ARID1B: variants seen among roughly 807,000 people sequenced by gnomAD.
The protein encoded by ARID1B is AT-rich interaction domain 1B, also known as AT-rich interactive domain-containing protein 1B.
ARID1B carries 30 observed loss-of-function variants against 212.3 expected under a neutral mutation model. The observed-to-expected ratio is 0.14, with a 90% CI of 0.11 to 0.19. The LOEUF (loss-of-function observed/expected upper bound fraction) is 0.19. Ranked by LOEUF, ARID1B falls within the 10% of genes least tolerant of loss-of-function variation. ARID1B has a pLI of 1.00. For synonymous variants in ARID1B, 1,402 were observed against 1,301.7 expected (o/e 1.08, Z -1.66); for missense variants, 2,891 against 3,204.0 (o/e 0.90, Z 2.36).
intron 3 of ARID1B, among the ~76,000 whole-genome samples, chr6:156,922,357 G>C (rs1297022710): frequency 6.6e-6 from 1 of 152,016 alleles, no homozygotes; most frequent in African/African-American, 2.4e-5. Context: ...ATTTTTAGTA[G>C]AGATGGGGTT....
chr6:157,105,611 A>AT (rs547859640), intron 5 of ARID1B, among the ~76,000 whole-genome samples: 217 of 151,930 alleles, frequency 1.4e-3, no homozygotes, highest in Admixed American at 5.2e-3. Flanking sequence ...TTTATTTTTA[A>AT]TTTTTTTTGA....
intron 2 of ARID1B, among the ~76,000 whole-genome samples, chr6:156,840,561 G>A (rs1229571525): frequency 1.3e-5 from 2 of 152,212 alleles, no homozygotes; most frequent in Admixed American, 1.3e-4. Flanking sequence ...ATGTCTGTGT[G>A]CTTTAGCCGT....
intron 4 of ARID1B, among the ~76,000 whole-genome samples, chr6:157,026,109 G>A (rs1780644330): frequency 6.6e-6 from 1 of 152,072 alleles, no homozygotes; most frequent in Non-Finnish European, 1.5e-5. Context: ...ATTTGTAGTA[G>A]AGACAGAGTT....
chr6:156,887,252 G>A (rs1219367001), intron 2 of ARID1B, among the ~76,000 whole-genome samples: 2 of 152,150 alleles, frequency 1.3e-5, no homozygotes, highest in East Asian at 3.9e-4. Flanking sequence ...TGCCAGTAAC[G>A]TACCAATGCT....
At chr6:156,963,415 T>C (rs1794533023) in intron 4 of ARID1B, among the ~76,000 whole-genome samples, 2 of 152,258 alleles carry the variant, frequency 1.3e-5, no homozygotes, top group Admixed American at 6.5e-5. Context: ...GTATTCTATG[T>C]ACTGTTTTTA....
At chr6:157,174,206 T>C (rs1791930507) in intron 10 of ARID1B, 89 bp downstream of exon 10, 1 of 1,145,878 alleles carries the variant, frequency 8.7e-7, no homozygotes, top group Non-Finnish European at 1.3e-6. Flanking sequence ...GGCCGACACT[T>C]TTTTTTCATT....
intron 3 of ARID1B, 58 bp from the exon 4 acceptor site, chr6:156,935,408 G>T: frequency 7.1e-7 from 1 of 1,408,560 alleles, no homozygotes; most frequent in Non-Finnish European, 9.9e-7. Context: ...AGTTACTGAA[G>T]AAGCTTATAA....
intron 3 of ARID1B, among the ~76,000 whole-genome samples, chr6:156,935,016 G>A (rs1182222679): frequency 1.4e-5 from 2 of 143,992 alleles, no homozygotes; most frequent in Non-Finnish European, 3.0e-5. Context: ...TTCTGATAAT[G>A]TATTAAATTA....
chr6:157,202,767 A>G (rs1250850408), intron 18 of ARID1B, among the ~76,000 whole-genome samples: 1 of 150,386 alleles, frequency 6.6e-6, no homozygotes, highest in East Asian at 1.9e-4. Flanking sequence ...ATATATAGAT[A>G]TATATAGAAT....
intron 3 of ARID1B, among the ~76,000 whole-genome samples, chr6:156,902,661 C>T (rs901534409): frequency 2.1e-5 from 3 of 143,540 alleles, no homozygotes; most frequent in East Asian, 2.1e-4. Flanking sequence ...AGCTTGAACC[C>T]GGGAGGCGGA....
intron 10 of ARID1B, 64 bp downstream of exon 10, chr6:157,174,181 C>G: frequency 7.0e-7 from 1 of 1,435,048 alleles, no homozygotes; most frequent in Non-Finnish European, 9.8e-7. Flanking sequence ...ATGTCGTTCT[C>G]TCTTCACTGG....
At chr6:157,163,726 G>A (rs1791113430) in intron 8 of ARID1B, among the ~76,000 whole-genome samples, 1 of 152,196 alleles carries the variant, frequency 6.6e-6, no homozygotes, top group South Asian at 2.1e-4. Flanking sequence ...CTGTATTCCA[G>A]GACTCCCGGA....
chr6:156,986,569 G>A (rs1000467603), intron 4 of ARID1B, among the ~76,000 whole-genome samples: 4 of 152,134 alleles, frequency 2.6e-5, no homozygotes, highest in African/African-American at 4.8e-5. Context: ...CCTACAAAAT[G>A]GGACAACAGA....
intron 3 of ARID1B, 38 bp downstream of exon 3, chr6:156,901,563 T>C (rs754832589): frequency 5.2e-5 from 83 of 1,593,806 alleles, no homozygotes; most frequent in Non-Finnish European, 7.0e-5. Context: ...CCCTGTTTTC[T>C]CCACCAAGGC....
chr6:157,133,130 A>T lies in ARID1B; in HGVS notation c.2684A>T (p.His895Leu). 1 of 1,614,176 alleles carries T rather than the reference A, an allele frequency of 6.2e-7. No homozygotes were observed. Among genetic ancestry groups the T allele is most frequent in the Non-Finnish European group, 8.5e-7 (1 of 1,180,030 alleles). ...CATCCTTCTCCTGGGGGCCAGATGC[A>T]TGCTGGAATCAGTAGCTTTCAGCAG... Reference protein sequence around the residue: ...SPHPSPGGQMHAGISSFQQSN... With the variant: ...SPHPSPGGQMLAGISSFQQSN... The change falls in exon 7 of 20, where the codon CAT becomes CTT. Residue 895 changes from histidine (H) to leucine (L), a missense_variant. This residue lies in a region of ARID1B where 1,643 missense variants were observed against 1,544.0 expected (regional missense o/e 1.06). Coordinates refer to ENST00000636930, the MANE Select transcript of ARID1B (RefSeq NM_001374828.1).
At chr6:156,811,663 CTCT>C (rs762414356) in intron 1 of ARID1B, among the ~76,000 whole-genome samples, 2 of 152,188 alleles carry the variant, frequency 1.3e-5, no homozygotes, top group African/African-American at 2.4e-5. Context: ...AGCCTGGTCT[CTCT>C]TCTTATAAGG....
In ARID1B at chr6:157,203,015, A is replaced by T. The variant is rs1334253179; in HGVS notation, c.5264-851A>T. Among the ~76,000 whole-genome samples the T allele has an allele frequency of 6.6e-6, 1 of 152,114 alleles. No individual in the cohort carries two copies. The highest frequency in any genetic ancestry group is 1.5e-5 in the Non-Finnish European group (1 of 68,016). Reference sequence around the variant, plus strand: ...ATGTTTATTTTTAAAAGTAATTTTGATTTTTTTATTGTAAAAACAGTATGT... The same window carrying T: ...ATGTTTATTTTTAAAAGTAATTTTGTTTTTTTTATTGTAAAAACAGTATGT... On this transcript the variant is annotated intron_variant, in intron 18 of 19. Transcript: ENST00000636930. The surrounding 1 kb of genome is among the most constrained non-coding windows in gnomAD (Gnocchi z 4.4).
At chr6:157,103,189 A>C (rs1786198270) in intron 5 of ARID1B, among the ~76,000 whole-genome samples, 1 of 152,192 alleles carries the variant, frequency 6.6e-6, no homozygotes, top group Non-Finnish European at 1.5e-5. Context: ...ATTACAGATG[A>C]GTTACAAAGA....
intron 4 of ARID1B, among the ~76,000 whole-genome samples, chr6:157,034,423 T>A (rs1188753369): frequency 1.3e-5 from 2 of 152,238 alleles, no homozygotes; most frequent in Admixed American, 6.5e-5. Context: ...TTCCCAAATT[T>A]TTCAGTTGTA....
Sources: allele counts gnomAD v4.1 joint callset (sites outside exome capture counted in the v4.1 genomes callset), GRCh38; gene constraint gnomAD v4.1.1; regional missense constraint gnomAD v4.1.1; non-coding constraint Gnocchi (gnomAD v3.1); transcripts MANE v1.5; gene names NCBI Gene and HGNC (gene_info 2026-07-23, HGNC 2026-07-21).